The following UPF2 variants were observed in gnomAD, a reference collection of about 807,000 sequenced individuals.
UPF2 encodes the protein UPF2 regulator of nonsense mediated mRNA decay.
Under a neutral mutation model 141.4 loss-of-function variants are expected in UPF2, and 17 were observed. That is an observed-to-expected ratio of 0.12 (90% CI 0.08 to 0.18). The LOEUF is 0.18. UPF2 is among the 10% of genes least tolerant of loss of function. The probability of loss-of-function intolerance (pLI) is 1.00; values close to 1 mark genes in which losing one functional copy is unlikely to be tolerated. For missense variants in UPF2, 1,152 were observed against 1,515.9 expected (o/e 0.76, Z 3.99); for synonymous variants, 540 against 498.0 (o/e 1.08, Z -1.12).
At chr10:12,018,876 A>G (rs565250607) in intron 3 of UPF2, among the ~76,000 whole-genome samples, 1 of 152,256 alleles carries the variant, frequency 6.6e-6, no homozygotes, top group Non-Finnish European at 1.5e-5. Context: ...AACTCACAGG[A>G]AAAGGTTTTC....
intron 6 of UPF2, 40 bp from the exon 7 acceptor site, chr10:12,000,049 G>C (rs757968613): frequency 1.4e-6 from 2 of 1,440,762 alleles, no homozygotes; most frequent in African/African-American, 1.4e-5. Context: ...AAAAAAAAAA[G>C]AGAACACAGA....
chr10:11,969,175 T>C lies in UPF2; in HGVS notation c.1954-1721A>G, dbSNP rs545367890. On this transcript the variant is annotated intron_variant, in intron 9 of 21. Coordinates refer to ENST00000357604, the MANE Select transcript of UPF2 (RefSeq NM_015542.4). ...CCACAATCAGCCTAGAACTTTTTTTTTTCTTTTTTTGAGACAGAGTCTCAT... is the reference window on the plus strand; with the variant it reads ...CCACAATCAGCCTAGAACTTTTTTTCTTCTTTTTTTGAGACAGAGTCTCAT... 2.6e-5 allele frequency among the ~76,000 whole-genome samples: 4 copies of C among 151,918 alleles called. No individual in the cohort carries two copies. The South Asian group carries it at 8.3e-4, about 32-fold the overall frequency.
At chr10:11,947,508 GCAA>G (rs1833015911) in intron 16 of UPF2, among the ~76,000 whole-genome samples, 1 of 152,096 alleles carries the variant, frequency 6.6e-6, no homozygotes, top group African/African-American at 2.4e-5. Flanking sequence ...GAAGTGGGGT[GCAA>G]TGGCTCACAC....
chr10:12,032,265 G>A (rs929966181), intron 2 of UPF2, among the ~76,000 whole-genome samples: 24 of 149,834 alleles, frequency 1.6e-4, no homozygotes, highest in Admixed American at 4.0e-4. Context: ...TTGCATTCCA[G>A]CCTGGGCAAC....
chr10:12,009,387 T>C (rs1446133477), intron 4 of UPF2, among the ~76,000 whole-genome samples: 1 of 152,160 alleles, frequency 6.6e-6, no homozygotes, highest in East Asian at 1.9e-4. Context: ...GGCACTAATG[T>C]ATTAAAATGA....
Position 11,935,026 on chromosome 10 carries a change from T to C in UPF2, c.3546+1519A>G, listed in dbSNP as rs1007407551. On this transcript the variant is annotated intron_variant, in intron 19 of 21. Coordinates refer to ENST00000357604, the MANE Select transcript of UPF2 (RefSeq NM_015542.4). The surrounding 1 kb of genome is among the most constrained non-coding windows in gnomAD (Gnocchi z 4.9). Reference sequence around the variant, plus strand: ...GTATAGTGCACAATTTTGATCTCGGTGTACATGAGAAGTTGCCTGACAAAT... The same window carrying C: ...GTATAGTGCACAATTTTGATCTCGGCGTACATGAGAAGTTGCCTGACAAAT... 6.6e-6 allele frequency among the ~76,000 whole-genome samples: 1 copy of C among 152,164 alleles called. No individual in the cohort carries two copies. Among genetic ancestry groups the C allele is most frequent in the Non-Finnish European group, 1.5e-5 (1 of 68,034 alleles).
At chr10:12,004,239 G>A (rs1056423423) in intron 5 of UPF2, among the ~76,000 whole-genome samples, 1 of 152,112 alleles carries the variant, frequency 6.6e-6, no homozygotes, top group Admixed American at 6.6e-5. Flanking sequence ...ATACCTGGGG[G>A]AAATGTGCAT....
At chr10:12,020,600 T>C (rs1052617227) in intron 3 of UPF2, among the ~76,000 whole-genome samples, 2 of 152,156 alleles carry the variant, frequency 1.3e-5, no homozygotes, top group Non-Finnish European at 2.9e-5. Flanking sequence ...TTCAGAAAGG[T>C]CAGGCAGGCA....
In UPF2 at chr10:12,027,500, G is replaced by C. The variant is rs140806750; in HGVS notation, c.1145+1245C>G. Among the ~76,000 whole-genome samples, 14 of 152,304 alleles carry C rather than the reference G, an allele frequency of 9.2e-5. No individual in the cohort carries two copies. In the East Asian group the frequency reaches 2.7e-3, roughly 29 times the overall value. On this transcript the variant is annotated intron_variant, in intron 3 of 21. Coordinates refer to ENST00000357604, the MANE Select transcript of UPF2 (RefSeq NM_015542.4). Reference sequence around the variant, plus strand: ...TCATAATTAAGCCCTAAGTAAGTGAGAAGTATGAATAAAGCACCACCATAA... The same window carrying C: ...TCATAATTAAGCCCTAAGTAAGTGACAAGTATGAATAAAGCACCACCATAA...
intron 4 of UPF2, among the ~76,000 whole-genome samples, chr10:12,005,137 CTCTATACTATTTACA>C (rs1834015256): frequency 6.6e-6 from 1 of 150,476 alleles, no homozygotes; most frequent in East Asian, 1.9e-4. Context: ...ACTCATAATC[CTCTATACTATTTACA>C]TCATACTTAT....
chr10:11,999,941 A>G lies in UPF2; in HGVS notation c.1723T>C (p.Leu575=). The G allele has an allele frequency of 6.2e-7, 1 of 1,613,978 alleles. No individual in the cohort carries two copies. The highest frequency in any genetic ancestry group is 8.5e-7 in the Non-Finnish European group (1 of 1,179,968). ...AGATCTCGGTTGACACAGTTGGGTA[A>G]CTGCTGTAGGAAAGCATCTACTATG... The part of the protein sequence containing the change: ...KLIVDAFLQQ[L]PNCVNRDLID... Residue 575 remains leucine (L), a synonymous_variant, in exon 7 of 22, where the codon TTA becomes CTA. Transcript: ENST00000357604.
Position 12,019,291 on chromosome 10 carries a change from G to T in UPF2, c.1146-5107C>A, listed in dbSNP as rs1312803926. On this transcript the variant is annotated intron_variant, in intron 3 of 21. Coordinates refer to ENST00000357604, the MANE Select transcript of UPF2 (RefSeq NM_015542.4). This position sits in a 1 kb window ranked among gnomAD's most constrained non-coding sequence, Gnocchi z 4.5. ...CACAGACAATATGTAAACAAATGAG[G>T]GTGACTGTAATAAAATGTTATTTAT... Among the ~76,000 whole-genome samples, 1 of 152,078 alleles carries T rather than the reference G, an allele frequency of 6.6e-6. No individual in the cohort carries two copies. Among genetic ancestry groups the T allele is most frequent in the East Asian group, 1.9e-4 (1 of 5,196 alleles).
chr10:11,974,668 G>A (rs1223672364), intron 9 of UPF2, among the ~76,000 whole-genome samples: 10 of 152,154 alleles, frequency 6.6e-5, no homozygotes, highest in Non-Finnish European at 8.8e-5. Flanking sequence ...CTGTTTCTAC[G>A]ATGGATTACG....
intron 9 of UPF2, among the ~76,000 whole-genome samples, chr10:11,977,020 G>C (rs929652558): frequency 3.3e-5 from 5 of 152,142 alleles, no homozygotes; most frequent in Non-Finnish European, 7.4e-5. Context: ...AGGCTTCCTA[G>C]AACACCGGAG....
chr10:12,002,240 G>C (rs1284855960), intron 5 of UPF2, among the ~76,000 whole-genome samples: 1 of 152,262 alleles, frequency 6.6e-6, no homozygotes, highest in Admixed American at 6.5e-5. Flanking sequence ...CACTGCACTT[G>C]AGCCTGAGCA....
At chr10:11,945,327 T>C (rs1449996796) in intron 16 of UPF2, among the ~76,000 whole-genome samples, 1 of 152,230 alleles carries the variant, frequency 6.6e-6, no homozygotes, top group Non-Finnish European at 1.5e-5. Flanking sequence ...AGAGCTGAAT[T>C]CTAACCCTTC....
chr10:12,023,253 T>TA (rs1834349053), intron 3 of UPF2, among the ~76,000 whole-genome samples: 1 of 152,126 alleles, frequency 6.6e-6, no homozygotes, highest in East Asian at 1.9e-4. Flanking sequence ...CTTAACATTA[T>TA]AAAAGGCAAA....
chr10:12,034,549 A>T (rs1834587442), intron 2 of UPF2, among the ~76,000 whole-genome samples: 1 of 102,866 alleles, frequency 9.7e-6, no homozygotes, highest in Non-Finnish European at 2.3e-5. Flanking sequence ...TCACACCTGT[A>T]ATCCCAGCAC....
At chr10:11,975,487 G>T (rs1007051269) in intron 9 of UPF2, among the ~76,000 whole-genome samples, 1 of 152,090 alleles carries the variant, frequency 6.6e-6, no homozygotes, top group Non-Finnish European at 1.5e-5. Flanking sequence ...TTTGAAAAAA[G>T]CACTTTCTGA....
Sources: gnomAD v4.1 joint callset for allele counts (sites outside exome capture counted in the v4.1 genomes callset) on GRCh38, gnomAD v4.1.1 for gene constraint, Gnocchi (gnomAD v3.1) non-coding constraint, MANE v1.5 for transcripts, NCBI Gene and HGNC (gene_info 2026-07-23, HGNC 2026-07-21) for gene names.